Variants in DLGAP2 observed in about 807,000 individuals in gnomAD.
DLGAP2 encodes DLG associated protein 2, also known as disks large-associated protein 2.
A neutral mutation model predicts 100.3 loss-of-function variants in DLGAP2; 26 were observed. That is an observed-to-expected ratio of 0.26 (90% CI 0.19 to 0.36). The LOEUF is 0.36. Among genes scored for constraint, DLGAP2 ranks in the 10% least tolerant of loss-of-function variants. The probability of loss-of-function intolerance (pLI) is 1.00; values close to 1 mark genes in which losing one functional copy is unlikely to be tolerated. For synonymous variants in DLGAP2, 886 were observed against 630.1 expected (o/e 1.41, Z -6.08); for missense variants, 1,858 against 1,453.2 (o/e 1.28, Z -4.53).
intron 1 of DLGAP2, among the ~76,000 whole-genome samples, chr8:762,425 T>A (rs1433527230): frequency 6.6e-6 from 1 of 152,220 alleles, no homozygotes; most frequent in Non-Finnish European, 1.5e-5. Context: ...TAGGTTATTT[T>A]GGGATGAAAT....
chr8:1,506,187 T>G (rs1490647367), intron 4 of DLGAP2, among the ~76,000 whole-genome samples: 1 of 152,050 alleles, frequency 6.6e-6, no homozygotes, highest in Non-Finnish European at 1.5e-5. Context: ...TTAATACATA[T>G]CTTGTCTCAC....
At chr8:1,237,120 G>A (rs1216327177) in intron 2 of DLGAP2, among the ~76,000 whole-genome samples, 7 of 14,728 alleles carry the variant, frequency 4.8e-4, no homozygotes, top group African/African-American at 2.5e-3. Flanking sequence ...GCCTAGTTCT[G>A]TCTCACATGG....
chr8:1,269,192 TCTC>T (rs1356851227), intron 3 of DLGAP2, among the ~76,000 whole-genome samples: 2 of 152,204 alleles, frequency 1.3e-5, no homozygotes, highest in African/African-American at 2.4e-5. Context: ...TCCCTGCCCT[TCTC>T]CTGGATTTTC....
intron 2 of DLGAP2, among the ~76,000 whole-genome samples, chr8:1,147,019 T>C (rs1341615927): frequency 6.6e-6 from 1 of 152,046 alleles, no homozygotes; most frequent in Non-Finnish European, 1.5e-5. Flanking sequence ...TCTCAGTTTT[T>C]AAAGAACAAC....
rs560717157 is a variant in DLGAP2, at chr8:785,260, C to T, written c.18+47435C>T. Among the ~76,000 whole-genome samples the T allele has an allele frequency of 3.5e-4, 50 of 143,878 alleles. No individual in the cohort carries two copies. The Middle Eastern group carries it at 0.019, about 54-fold the overall frequency. The allele number at this position is 143,878 out of a possible 152,430, so 94.4% of individuals were successfully genotyped here. On this transcript the variant is annotated intron_variant, in intron 1 of 14. Coordinates refer to ENST00000637795, the MANE Select transcript of DLGAP2 (RefSeq NM_001346810.2). ...AAAAAAAAAAAAAAAAAAGGCACGT[C>T]CTGACACTTCAGATGCGCCGGATCC...
intron 1 of DLGAP2, among the ~76,000 whole-genome samples, chr8:829,067 A>T (rs1468727762): frequency 6.6e-6 from 1 of 152,214 alleles, no homozygotes; most frequent in African/African-American, 2.4e-5. Context: ...AATTAAACCC[A>T]TGAGTCCAAT....
intron 2 of DLGAP2, among the ~76,000 whole-genome samples, chr8:971,988 G>A (rs1212352703): frequency 6.6e-6 from 1 of 152,146 alleles, no homozygotes; most frequent in African/African-American, 2.4e-5. Context: ...CATCAGTAGG[G>A]CTCCTGTATA....
At chr8:1,253,411 C>T (rs1464719818) in intron 2 of DLGAP2, among the ~76,000 whole-genome samples, 4 of 152,260 alleles carry the variant, frequency 2.6e-5, no homozygotes, top group Non-Finnish European at 5.9e-5. Context: ...CGACTCCATG[C>T]AGAAGCCAGA....
intron 1 of DLGAP2, among the ~76,000 whole-genome samples, chr8:882,858 G>A (rs1416275432): frequency 6.6e-6 from 1 of 152,274 alleles, no homozygotes; most frequent in Non-Finnish European, 1.5e-5. Context: ...GCCCCGTGGT[G>A]TCGTCACTTC....
chr8:1,555,589 C>T (rs1181004181), intron 5 of DLGAP2, among the ~76,000 whole-genome samples: 1 of 152,208 alleles, frequency 6.6e-6, no homozygotes, highest in Non-Finnish European at 1.5e-5. Flanking sequence ...GGACCGTCTG[C>T]AGGAGTGCAG....
At chr8:1,374,079 G>A (rs1453134071) in intron 3 of DLGAP2, among the ~76,000 whole-genome samples, 1 of 151,758 alleles carries the variant, frequency 6.6e-6, no homozygotes, top group African/African-American at 2.4e-5. Context: ...CGGCTGTGTG[G>A]TGGAGGTTAG....
intron 2 of DLGAP2, among the ~76,000 whole-genome samples, chr8:1,169,977 G>C (rs1255777787): frequency 6.6e-6 from 1 of 151,998 alleles, no homozygotes; most frequent in Non-Finnish European, 1.5e-5. Flanking sequence ...CAAAGGGAAT[G>C]CTTCCAGTTT....
At chr8:1,071,103 A>G (rs7814231) in intron 2 of DLGAP2, among the ~76,000 whole-genome samples, 68,880 of 152,010 alleles carry the variant, frequency 0.45, 16,310 homozygotes, top group African/African-American at 0.59. Flanking sequence ...GCCTCCTCCC[A>G]CTGGCTGCTC....
chr8:1,362,397 T>C (rs1052145317), intron 3 of DLGAP2, among the ~76,000 whole-genome samples: 1 of 151,416 alleles, frequency 6.6e-6, no homozygotes, highest in Non-Finnish European at 1.5e-5. Context: ...CCATGTCCCA[T>C]GCGGACAGCA....
intron 3 of DLGAP2, among the ~76,000 whole-genome samples, chr8:1,358,427 G>T (rs1407916986): frequency 6.6e-6 from 1 of 152,092 alleles, no homozygotes; most frequent in Non-Finnish European, 1.5e-5. Flanking sequence ...CGGGGTTTTG[G>T]TTAAGGAGGT....
intron 3 of DLGAP2, among the ~76,000 whole-genome samples, chr8:1,422,125 G>T (rs1418925423): frequency 6.6e-6 from 1 of 152,154 alleles, no homozygotes; most frequent in Non-Finnish European, 1.5e-5. Context: ...AGGTGTGTAG[G>T]ACAGCTACCC....
At chr8:997,261 T>C (rs1048538481) in intron 2 of DLGAP2, among the ~76,000 whole-genome samples, 4 of 152,220 alleles carry the variant, frequency 2.6e-5, no homozygotes. Flanking sequence ...ACATGGGAAA[T>C]GAATTAAAAT....
chr8:900,562 G>A (rs1798232197), intron 1 of DLGAP2, among the ~76,000 whole-genome samples: 1 of 152,178 alleles, frequency 6.6e-6, no homozygotes, highest in South Asian at 2.1e-4. Context: ...TAAACCACAT[G>A]GTACCTTGTT....
chr8:902,433 GT>G (rs1798272080), intron 1 of DLGAP2, among the ~76,000 whole-genome samples: 1 of 149,966 alleles, frequency 6.7e-6, no homozygotes. Context: ...CTGGTGGAGA[GT>G]GGGGGGTCCA....
Sources: allele counts gnomAD v4.1 joint callset (sites outside exome capture counted in the v4.1 genomes callset), GRCh38; gene constraint gnomAD v4.1.1; transcripts MANE v1.5; gene names NCBI Gene and HGNC (gene_info 2026-07-23, HGNC 2026-07-21).